The following RALGPS1 variants were observed in gnomAD, a reference collection of about 807,000 sequenced individuals.
RALGPS1 encodes ras-specific guanine nucleotide-releasing factor RalGPS1.
Under a neutral mutation model 78.8 loss-of-function variants are expected in RALGPS1, and 19 were observed. That is an observed-to-expected ratio of 0.24 (90% CI 0.17 to 0.35). The LOEUF (loss-of-function observed/expected upper bound fraction) is 0.35, where lower values mean the gene tolerates loss of function less well. RALGPS1 is among the 10% of genes least tolerant of loss of function. The pLI, the probability that RALGPS1 is intolerant of heterozygous loss-of-function variation, is 1.00. For synonymous variants in RALGPS1, 228 were observed against 256.3 expected (o/e 0.89, Z 1.06); for missense variants, 454 against 688.3 (o/e 0.66, Z 3.81).
intron 1 of RALGPS1, among the ~76,000 whole-genome samples, chr9:126,937,239 A>G (rs1170935907): frequency 6.6e-6 from 1 of 152,240 alleles, no homozygotes; most frequent in Non-Finnish European, 1.5e-5. Flanking sequence ...AGTTCTAAAA[A>G]TAAAGGAGAT....
At chr9:126,937,651 T>A (rs1397023803) in intron 1 of RALGPS1, among the ~76,000 whole-genome samples, 1 of 152,164 alleles carries the variant, frequency 6.6e-6, no homozygotes, top group Non-Finnish European at 1.5e-5. Context: ...TTGCTTGAGC[T>A]CCAGTCATCA....
At chr9:127,101,267 G>A (rs539255670) in intron 8 of RALGPS1, among the ~76,000 whole-genome samples, 3 of 152,346 alleles carry the variant, frequency 2.0e-5, no homozygotes, top group East Asian at 1.9e-4. Flanking sequence ...CTGCACCTGT[G>A]AGAAAGCCAG....
chr9:126,936,718 T>C (rs1013591274), intron 1 of RALGPS1, among the ~76,000 whole-genome samples: 3 of 151,936 alleles, frequency 2.0e-5, no homozygotes, highest in Non-Finnish European at 4.4e-5. Flanking sequence ...TTCAAACACG[T>C]GAGGACACAA....
chr9:126,979,789 A>G (rs141280144), intron 4 of RALGPS1, among the ~76,000 whole-genome samples: 1 of 152,306 alleles, frequency 6.6e-6, no homozygotes, highest in East Asian at 1.9e-4. Flanking sequence ...TTTGTTTTCA[A>G]GACTGTAGTT....
intron 4 of RALGPS1, among the ~76,000 whole-genome samples, chr9:126,982,928 C>CTTCT (rs2041440899): frequency 1.1e-3 from 38 of 34,628 alleles, no homozygotes; most frequent in African/African-American, 2.7e-3. Flanking sequence ...TCTTCTTCTT[C>CTTCT]TTTTTTTTTT....
intron 14 of RALGPS1, among the ~76,000 whole-genome samples, chr9:127,209,799 C>T (rs1171100327): frequency 6.6e-6 from 1 of 152,162 alleles, no homozygotes; most frequent in African/African-American, 2.4e-5. Flanking sequence ...CCCCACACTA[C>T]CCACAGGTAC....
At chr9:127,048,138 T>C (rs2047978749) in intron 5 of RALGPS1, among the ~76,000 whole-genome samples, 1 of 152,118 alleles carries the variant, frequency 6.6e-6, no homozygotes, top group Non-Finnish European at 1.5e-5. Context: ...TCTCACCTTG[T>C]TGCACCAGTC....
At position 127,195,220 on chromosome 9, in the gene RALGPS1, G is replaced by A. The variant is rs1447205851; in HGVS notation, c.1037+3G>A. ...AAGAGCCACAGCCTAGGCAACAAGT[G>A]GGTGACTGAGCAAGCCCTCCCGCCG... On this transcript the variant is annotated splice_donor_region_variant and intron_variant, in intron 12 of 18. Transcript: ENST00000259351. 1 of 1,608,846 alleles carries A rather than the reference G, an allele frequency of 6.2e-7. No homozygotes were observed. Among genetic ancestry groups the A allele is most frequent in the Non-Finnish European group, 8.5e-7 (1 of 1,179,838 alleles).
chr9:127,132,769 C>G (rs543964083), intron 8 of RALGPS1, among the ~76,000 whole-genome samples: 1 of 152,338 alleles, frequency 6.6e-6, no homozygotes, highest in East Asian at 1.9e-4. Context: ...ACCCATATTT[C>G]ATAAGGTTGC....
At position 127,183,727 on chromosome 9, in the gene RALGPS1, C is replaced by T. The variant is rs1380896106; in HGVS notation, c.910+8945C>T. On this transcript the variant is annotated intron_variant, in intron 11 of 18. Coordinates refer to ENST00000259351, the MANE Select transcript of RALGPS1 (RefSeq NM_014636.3). This position sits in a 1 kb window ranked among gnomAD's most constrained non-coding sequence, Gnocchi z 4.0. ...CTGTAGGCCCTCTCTCCATGTGCTC[C>T]TCTCTCTGGAAACATACTCTCTCTG... 1 of 719,982 alleles carries T rather than the reference C, an allele frequency of 1.4e-6. No individual in the cohort carries two copies. The highest frequency in any genetic ancestry group is 2.2e-6 in the Non-Finnish European group (1 of 446,620). 44.6% of individuals were successfully genotyped at this position (719,982 alleles called of 1,614,324 possible). A position where few individuals can be genotyped will look rare whatever the true frequency, so the allele number is the denominator to read the frequency against.
rs76751196 is a variant in RALGPS1, at chr9:127,048,172, A to G, written c.301-1871A>G. ...TCCTCCCCTCCTCACCACACACCCA[A>G]TCTGGTCTTTTTCTCCCTCCCCACC... On this transcript the variant is annotated intron_variant, in intron 5 of 18. Coordinates refer to ENST00000259351, the MANE Select transcript of RALGPS1 (RefSeq NM_014636.3). Among the ~76,000 whole-genome samples the G allele has an allele frequency of 8.0e-3, 1,220 of 151,826 alleles. 24 individuals carry two copies. The highest frequency in any genetic ancestry group is 0.028 in the African/African-American group (1,151 of 41,376).
chr9:127,100,187 TTGAG>T (rs1460009988), intron 8 of RALGPS1, among the ~76,000 whole-genome samples: 2 of 152,224 alleles, frequency 1.3e-5, no homozygotes, highest in African/African-American at 2.4e-5. Context: ...CATAAATTAA[TTGAG>T]TTACTCTTAG....
At chr9:126,995,279 GA>G (rs1460979175) in intron 4 of RALGPS1, among the ~76,000 whole-genome samples, 1 of 152,014 alleles carries the variant, frequency 6.6e-6, no homozygotes, top group East Asian at 1.9e-4. Context: ...CTGTATTCAG[GA>G]AACCCATCTC....
At chr9:126,958,574 G>A (rs1161407703) in intron 1 of RALGPS1, among the ~76,000 whole-genome samples, 1 of 152,142 alleles carries the variant, frequency 6.6e-6, no homozygotes, top group African/African-American at 2.4e-5. Context: ...AGGTTTGTTG[G>A]TGAAGTGGCT....
chr9:127,007,070 C>G (rs1055830964), intron 4 of RALGPS1, among the ~76,000 whole-genome samples: 2 of 152,086 alleles, frequency 1.3e-5, no homozygotes, highest in African/African-American at 4.8e-5. Context: ...GGGGAGGGAG[C>G]TCGTAACTGT....
intron 11 of RALGPS1, among the ~76,000 whole-genome samples, chr9:127,179,041 G>A (rs977734581): frequency 2.0e-5 from 3 of 152,218 alleles, no homozygotes; most frequent in African/African-American, 7.2e-5. Context: ...GGGTCCTGTA[G>A]GCACCTGGTC....
At chr9:127,000,087 A>G (rs2133533191) in intron 4 of RALGPS1, among the ~76,000 whole-genome samples, 1 of 152,132 alleles carries the variant, frequency 6.6e-6, no homozygotes, top group East Asian at 1.9e-4. Flanking sequence ...GGTAATTTGT[A>G]TCTCTTTGCT....
intron 4 of RALGPS1, among the ~76,000 whole-genome samples, chr9:127,012,003 T>C (rs1015030158): frequency 2.6e-5 from 4 of 152,214 alleles, no homozygotes; most frequent in Non-Finnish European, 5.9e-5. Context: ...CCTGTGTTGT[T>C]TGCCTTCCGA....
intron 8 of RALGPS1, among the ~76,000 whole-genome samples, chr9:127,132,631 C>T (rs938287233): frequency 6.6e-6 from 1 of 152,208 alleles, no homozygotes; most frequent in Admixed American, 6.5e-5. Context: ...GGTGCAGCAC[C>T]GGGTACTAGA....
Sources: allele counts gnomAD v4.1 joint callset (sites outside exome capture counted in the v4.1 genomes callset), GRCh38; gene constraint gnomAD v4.1.1; non-coding constraint Gnocchi (gnomAD v3.1); transcripts MANE v1.5; gene names NCBI Gene and HGNC (gene_info 2026-07-23, HGNC 2026-07-21).